Variants in ZNF639 observed in about 807,000 individuals in gnomAD.
ZNF639 encodes the protein zinc finger protein 639, also known as zinc finger amplified in esophageal squamous cell carcinomas 1.
A neutral mutation model predicts 39.8 loss-of-function variants in ZNF639; 20 were observed. That is an observed-to-expected ratio of 0.50 (90% confidence interval 0.35 to 0.73). The LOEUF (loss-of-function observed/expected upper bound fraction) is 0.73. ZNF639 is among the 30% of genes least tolerant of loss of function. The probability of loss-of-function intolerance (pLI) is 0.00; values close to 1 mark genes in which losing one functional copy is unlikely to be tolerated. For missense variants in ZNF639, 477 were observed against 566.2 expected, an observed-to-expected ratio of 0.84 and a Z score of 1.60; for synonymous variants, 176 against 189.8, an observed-to-expected ratio of 0.93 and a Z score of 0.60.
At chr3:179,332,642 A>T (rs919416036) in intron 4 of ZNF639, among the ~76,000 whole-genome samples, 2 of 152,242 alleles carry the variant, frequency 1.3e-5, no homozygotes, top group Non-Finnish European at 2.9e-5. Context: ...GTTGAAGCCC[A>T]GTTTTCACTA....
chr3:179,324,613 G>A (rs1727480000), intron 1 of ZNF639, among the ~76,000 whole-genome samples: 2 of 152,330 alleles, frequency 1.3e-5, no homozygotes, highest in African/African-American at 2.4e-5. Context: ...CCATTGTGCT[G>A]AAAGGAAGTC....
Position 179,323,062 on chromosome 3 carries a change from G to A in ZNF639, c.-312G>A, listed in dbSNP as rs1727366626. The A allele has an allele frequency of 1.0e-6, 1 of 985,168 alleles. No homozygotes were observed. Among genetic ancestry groups the A allele is most frequent in the Non-Finnish European group, 1.2e-6 (1 of 830,120 alleles). The allele number at this position is 985,168 out of a possible 1,614,324, so 61.0% of individuals were successfully genotyped here. ...CGCGGCGCAGGCGCGGAGCGTGGCG[G>A]CCAGGGCAGTGCGGCCGCGGAGCCT... On this transcript the variant is annotated 5_prime_UTR_variant, in exon 1 of 6. Transcript: ENST00000496856.
chr3:179,326,326 A>G (rs1248284946), intron 1 of ZNF639, among the ~76,000 whole-genome samples: 1 of 152,140 alleles, frequency 6.6e-6, no homozygotes, highest in Non-Finnish European at 1.5e-5. Flanking sequence ...GTGCCACTGC[A>G]CTCCAGCCTG....
At chr3:179,323,467 C>T (rs1727396149) in intron 1 of ZNF639, among the ~76,000 whole-genome samples, 176 bp downstream of exon 1, 1 of 152,158 alleles carries the variant, frequency 6.6e-6, no homozygotes, top group Non-Finnish European at 1.5e-5. Flanking sequence ...GAAGGCAGTT[C>T]CACCCCCTGC....
upstream of ZNF639, chr3:179,322,921 G>C: frequency 1.0e-6 from 1 of 984,946 alleles, no homozygotes; most frequent in African/African-American, 1.7e-5. Flanking sequence ...GGCCTCCCCC[G>C]GGGCTGCGGG....
rs1011333604 is a variant in ZNF639, at chr3:179,336,280, G to T, written c.*1858G>T. The T allele has an allele frequency of 5.9e-5, 9 of 152,194 alleles. No homozygotes were observed. Among genetic ancestry groups the T allele is most frequent in the African/African-American group, 2.2e-4 (9 of 41,448 alleles). 9.4% of individuals were successfully genotyped at this position (152,194 alleles called of 1,614,324 possible). ...GCAGAGTCTGAAACAGCACTATAAA[G>T]AAGATAGAATTATATGTATCATTGC... On this transcript the variant is annotated 3_prime_UTR_variant, in exon 6 of 6. Transcript: ENST00000496856.
At chr3:179,328,453 G>A in intron 3 of ZNF639, 102 bp downstream of exon 3, 6 of 730,756 alleles carry the variant, frequency 8.2e-6, no homozygotes, top group Admixed American at 3.1e-5. Flanking sequence ...TAAATATCTG[G>A]GTCAATATTT....
chr3:179,324,350 T>C (rs183207938), intron 1 of ZNF639, among the ~76,000 whole-genome samples: 1 of 152,180 alleles, frequency 6.6e-6, no homozygotes, highest in East Asian at 1.9e-4. Flanking sequence ...ATATAAAAAA[T>C]TTTTAAACAT....
rs1376514669 is a variant in ZNF639 at position 179,328,908 on chromosome 3, T to C, written c.58+557T>C. Among the ~76,000 whole-genome samples, 12 of 152,140 alleles carry C rather than the reference T, an allele frequency of 7.9e-5. No homozygotes were observed. The South Asian group carries it at 1.0e-3, about 13-fold the overall frequency. On this transcript the variant is annotated intron_variant, in intron 3 of 5. Coordinates refer to ENST00000496856, the MANE Select transcript of ZNF639 (RefSeq NM_001303426.2). ...CTCCTGCCTCAGCCTCCCAAGTAGC[T>C]GGGATTACAGGCGTGTACCGCCACA...
chr3:179,333,016 A>G lies in ZNF639; in HGVS notation c.197A>G (p.Asn66Ser), dbSNP rs1560181677. The change falls in exon 5 of 6, where the codon AAT (asparagine) becomes AGT (serine). Residue 66 changes from asparagine to serine, a missense_variant. Transcript: ENST00000496856. ...GATGATTCTGATACCGAGACGTCAA[A>G]TGACTTGCCAAAATTTGCAGATGGA... ...KDDDSDTETS[N>S]DLPKFADGIK... The G allele has an allele frequency of 1.3e-6, 2 of 1,555,230 alleles. No individual in the cohort carries two copies. Among genetic ancestry groups the G allele is most frequent in the South Asian group, 2.4e-5 (2 of 84,948 alleles).
intron 4 of ZNF639, among the ~76,000 whole-genome samples, chr3:179,331,210 A>G (rs572080483): frequency 6.6e-6 from 1 of 152,334 alleles, no homozygotes; most frequent in Non-Finnish European, 1.5e-5. Flanking sequence ...AAAACTGAAA[A>G]CTATTTGGGG....
At chr3:179,331,259 T>C (rs1160253549) in intron 4 of ZNF639, among the ~76,000 whole-genome samples, 1 of 152,172 alleles carries the variant, frequency 6.6e-6, no homozygotes, top group African/African-American at 2.4e-5. Context: ...TAAATATCCA[T>C]GAATTCATGC....
chr3:179,334,538 CT>C lies in ZNF639; in HGVS notation c.*122del, dbSNP rs1390783242. 1 of 728,790 alleles carries C rather than the reference CT, an allele frequency of 1.4e-6. No homozygotes were observed. The highest frequency in any genetic ancestry group is 2.0e-6 in the Non-Finnish European group (1 of 499,602). 45.1% of individuals were successfully genotyped at this position (728,790 alleles called of 1,614,324 possible). On this transcript the variant is annotated 3_prime_UTR_variant, in exon 6 of 6. Coordinates refer to ENST00000496856, the MANE Select transcript of ZNF639 (RefSeq NM_001303426.2). ...TATGAAATCTGCCTTTAACAAGTAACTTTTTTAAATTATAAAATTTTATTGG... is the reference window on the plus strand; with the variant it reads ...TATGAAATCTGCCTTTAACAAGTAACTTTTTAAATTATAAAATTTTATTGG...
At chr3:179,323,572 C>G (rs1203589902) in intron 1 of ZNF639, among the ~76,000 whole-genome samples, 1 of 152,206 alleles carries the variant, frequency 6.6e-6, no homozygotes, top group Non-Finnish European at 1.5e-5. Context: ...TTGGCGCCGG[C>G]TTCTGGGCCC....
chr3:179,328,400 A>C, intron 3 of ZNF639, 49 bp downstream of exon 3: 1 of 1,292,092 alleles, frequency 7.7e-7, no homozygotes, highest in African/African-American at 1.5e-5. Context: ...TTCCCACAAA[A>C]TTATATTCTC....
chr3:179,323,202 G>A lies in ZNF639; in HGVS notation c.-172G>A. On this transcript the variant is annotated 5_prime_UTR_variant, in exon 1 of 6. Coordinates refer to ENST00000496856, the MANE Select transcript of ZNF639 (RefSeq NM_001303426.2). ...CAGCGCTGCCCGCCGCCGTGCGTCC[G>A]CGGGAAGGACCGCGCGGCCCCTCCG... The A allele has an allele frequency of 2.0e-6, 2 of 984,918 alleles. No homozygotes were observed. Among genetic ancestry groups the A allele is most frequent in the African/African-American group, 3.5e-5 (2 of 57,262 alleles). The allele number at this position is 984,918 out of a possible 1,614,324, so 61.0% of individuals were successfully genotyped here. A position where few individuals can be genotyped will look rare whatever the true frequency, so the allele number is the denominator to read the frequency against.
intron 1 of ZNF639, among the ~76,000 whole-genome samples, chr3:179,327,142 A>G (rs908200246): frequency 2.6e-5 from 4 of 152,088 alleles, no homozygotes; most frequent in African/African-American, 7.2e-5. Flanking sequence ...GTGAGCTGAG[A>G]TCGCGCCATT....
At chr3:179,322,895 G>A (rs1020138384), upstream of ZNF639, 10 of 985,282 alleles carry the variant, frequency 1.0e-5, no homozygotes, top group East Asian at 2.3e-4. Context: ...CCTCCGGCAG[G>A]GGGCGCGGGC....
chr3:179,323,496 G>A (rs894327021), intron 1 of ZNF639, among the ~76,000 whole-genome samples: 22 of 152,180 alleles, frequency 1.4e-4, no homozygotes, highest in African/African-American at 4.8e-4. Context: ...CCTTGGCCGG[G>A]CTCCCCTCGG....
Sources: gnomAD v4.1 joint callset for allele counts (sites outside exome capture counted in the v4.1 genomes callset) on GRCh38, gnomAD v4.1.1 for gene constraint, MANE v1.5 for transcripts, NCBI Gene and HGNC (gene_info 2026-07-23, HGNC 2026-07-21) for gene names.